Variants in BRSK2 observed in about 807,000 individuals in gnomAD.
BRSK2 encodes the protein serine/threonine-protein kinase BRSK2.
A neutral mutation model predicts 83.3 loss-of-function variants in BRSK2; 19 were observed. The ratio of observed to expected loss-of-function variants is 0.23; its 90% CI spans 0.16 to 0.33. BRSK2 has a LOEUF of 0.33. Among genes scored for constraint, BRSK2 ranks in the 10% least tolerant of loss-of-function variants. The pLI is 1.00. For missense variants in BRSK2, 798 were observed against 1,042.3 expected (o/e 0.77, Z 3.23); for synonymous variants, 519 against 435.4 (o/e 1.19, Z -2.39).
chr11:1,395,337 C>T (rs371319178), intron 1 of BRSK2, among the ~76,000 whole-genome samples: 2 of 152,308 alleles, frequency 1.3e-5, no homozygotes, highest in African/African-American at 4.8e-5. Flanking sequence ...TCCCTGGCCC[C>T]CTGAAGTCCC....
At chr11:1,447,949 T>C (rs945981871) in intron 12 of BRSK2, 2 of 1,331,758 alleles carry the variant, frequency 1.5e-6, no homozygotes, top group African/African-American at 1.4e-5. Context: ...TGGGCGGGTC[T>C]GGTGGCGGGC....
At position 1,461,839 on chromosome 11, in the gene BRSK2, T is replaced by A. The variant is rs1346255757; in HGVS notation, c.*1116T>A. On this transcript the variant is annotated 3_prime_UTR_variant, in exon 20 of 20. Transcript: ENST00000528841. ...TTTTAGTCCCTTGCTCCTGCTTCTTTCTACACACACATCTAAAGACGGTGC... is the reference window on the plus strand; with the variant it reads ...TTTTAGTCCCTTGCTCCTGCTTCTTACTACACACACATCTAAAGACGGTGC... The A allele has an allele frequency of 6.6e-6, 1 of 152,222 alleles. No individual in the cohort carries two copies. Among genetic ancestry groups the A allele is most frequent in the African/African-American group, 2.4e-5 (1 of 41,432 alleles). 9.4% of individuals were successfully genotyped at this position (152,222 alleles called of 1,614,324 possible).
intron 19 of BRSK2, among the ~76,000 whole-genome samples, chr11:1,459,874 T>G (rs546419003): frequency 6.6e-6 from 1 of 152,288 alleles, no homozygotes; most frequent in African/African-American, 2.4e-5. Context: ...TGTCTGCTGC[T>G]AAACTGTGTC....
chr11:1,396,083 G>A (rs1020727507), intron 1 of BRSK2, among the ~76,000 whole-genome samples: 3 of 152,164 alleles, frequency 2.0e-5, no homozygotes, highest in Non-Finnish European at 4.4e-5. Context: ...GTTGGCTGCC[G>A]AGGTGGCCAG....
At chr11:1,421,600 C>T (rs1348804054) in intron 1 of BRSK2, among the ~76,000 whole-genome samples, 1 of 152,200 alleles carries the variant, frequency 6.6e-6, no homozygotes, top group South Asian at 2.1e-4. Flanking sequence ...TCCCTCTGCA[C>T]CTGGCACTGG....
intron 1 of BRSK2, among the ~76,000 whole-genome samples, chr11:1,393,882 T>A: frequency 6.7e-6 from 1 of 149,000 alleles, no homozygotes; most frequent in Non-Finnish European, 1.5e-5. Context: ...AGATGGGTCC[T>A]GGAGATGGGT....
intron 19 of BRSK2, 54 bp from the exon 20 acceptor site, chr11:1,460,432 CTTTCTCTCCCCCTT>C (rs1285206898): frequency 1.9e-6 from 2 of 1,062,418 alleles, no homozygotes; most frequent in Non-Finnish European, 1.2e-6. Flanking sequence ...CTCCCCTCCT[CTTTCTCTCCCCCTT>C]TTTTTTCTTT....
intron 1 of BRSK2, among the ~76,000 whole-genome samples, chr11:1,420,034 G>T (rs188321787): frequency 1.0e-3 from 155 of 152,366 alleles, no homozygotes; most frequent in African/African-American, 3.6e-3. Flanking sequence ...CTCCAAGGAA[G>T]CCTGGTTGAG....
In BRSK2 at chr11:1,445,428, A is replaced by G; in HGVS notation, c.947A>G (p.Asn316Ser). The change falls in exon 10 of 20, where the codon AAC (asparagine) becomes AGC (serine). Residue 316 changes from asparagine to serine, a missense_variant. By Grantham distance (46) the Asn-to-Ser change is conservative. Transcript: ENST00000528841. ...MHSLGCFRDR[N>S]KLLQDLLSEE... ...TCACTGGGCTGCTTCCGAGACCGCA[A>G]CAAGCTGCTGCAGGACCTGCTGTCC... is the stretch of plus-strand genomic sequence containing the variant. 1 of 1,611,984 alleles carries G rather than the reference A, an allele frequency of 6.2e-7. No individual in the cohort carries two copies. The highest frequency in any genetic ancestry group is 1.1e-5 in the South Asian group (1 of 91,008).
intron 1 of BRSK2, among the ~76,000 whole-genome samples, chr11:1,399,792 G>A (rs1449373851): frequency 2.0e-5 from 3 of 152,184 alleles, no homozygotes; most frequent in African/African-American, 7.2e-5. Context: ...GGTGCCGTCG[G>A]GCCCAGCCTC....
In BRSK2 at chr11:1,459,208, G is replaced by GGAAATGAT; in HGVS notation, c.1959_1966dup (p.Thr656LysfsTer2). On this transcript the variant is annotated frameshift_variant, in exon 19 of 20. Transcript: ENST00000528841. LOFTEE classifies it high-confidence loss of function. Reference sequence around the variant, plus strand: ...GTACTCCAGACACCACTAACTGTATGGAAATGATGACGGGGCGGCTTTCCA... The same window carrying GGAAATGAT: ...GTACTCCAGACACCACTAACTGTATGGAAATGATGAAATGATGACGGGGCGGCTTTCCA... 3 of 1,613,870 alleles carry GGAAATGAT rather than the reference G, an allele frequency of 1.9e-6. No individual in the cohort carries two copies. The highest frequency in any genetic ancestry group is 1.7e-6 in the Non-Finnish European group (2 of 1,179,866).
chr11:1,441,048 A>T, intron 4 of BRSK2, 120 bp downstream of exon 4: 1 of 803,906 alleles, frequency 1.2e-6, no homozygotes, highest in Non-Finnish European at 1.9e-6. Flanking sequence ...GAGGTACACC[A>T]TGCCCCCCAT....
intron 1 of BRSK2, among the ~76,000 whole-genome samples, chr11:1,399,207 C>T (rs938483008): frequency 6.6e-6 from 1 of 151,962 alleles, no homozygotes; most frequent in African/African-American, 2.4e-5. Context: ...GGCAGGGCCA[C>T]CTCCAGGGTA....
chr11:1,391,348 G>A (rs1161162038), intron 1 of BRSK2, among the ~76,000 whole-genome samples: 1 of 152,212 alleles, frequency 6.6e-6, no homozygotes. Flanking sequence ...ACCCGGGCGG[G>A]CAGGGGTGGA....
intron 1 of BRSK2, among the ~76,000 whole-genome samples, chr11:1,433,608 C>T (rs867158593): frequency 6.6e-6 from 1 of 152,258 alleles, no homozygotes; most frequent in Non-Finnish European, 1.5e-5. Context: ...TGAGTCCTTC[C>T]TGCAGGGACC....
intron 1 of BRSK2, among the ~76,000 whole-genome samples, chr11:1,396,050 A>G (rs1447299480): frequency 3.3e-5 from 5 of 152,202 alleles, no homozygotes; most frequent in Non-Finnish European, 7.3e-5. Flanking sequence ...CCCAAGCTCC[A>G]GGGCCTCTGG....
chr11:1,402,628 C>A (rs774933818), intron 1 of BRSK2, among the ~76,000 whole-genome samples: 4 of 141,822 alleles, frequency 2.8e-5, no homozygotes, highest in African/African-American at 1.1e-4. Context: ...TCCCCACACA[C>A]AGGAGAGGGT....
intron 1 of BRSK2, among the ~76,000 whole-genome samples, chr11:1,401,687 C>T (rs991640305): frequency 4.6e-5 from 7 of 152,222 alleles, no homozygotes; most frequent in African/African-American, 1.2e-4. Flanking sequence ...CGTGCCAGAG[C>T]GGACTGTGGG....
chr11:1,450,130 T>G (rs1328911731), intron 13 of BRSK2, among the ~76,000 whole-genome samples: 1 of 150,812 alleles, frequency 6.6e-6, no homozygotes, highest in Non-Finnish European at 1.5e-5. Flanking sequence ...TGTTTCTTTC[T>G]GGTCCTCCTG....
Sources: gnomAD v4.1 joint callset for allele counts (sites outside exome capture counted in the v4.1 genomes callset) on GRCh38, gnomAD v4.1.1 for gene constraint, MANE v1.5 for transcripts, NCBI Gene and HGNC (gene_info 2026-07-23, HGNC 2026-07-21) for gene names.